CCDC81: variants seen among roughly 807,000 people sequenced by gnomAD.
CCDC81 encodes coiled-coil domain-containing protein 81.
In CCDC81, 79 loss-of-function variants were observed where a neutral mutation model predicts 83.7. The observed-to-expected ratio is 0.94, with a 90% CI of 0.79 to 1.14. CCDC81 has a LOEUF of 1.14. Ranked by LOEUF, CCDC81 falls within the 50% of genes most tolerant of loss-of-function variation. The pLI is 0.00. For missense variants in CCDC81, 791 were observed against 778.1 expected (o/e 1.02, Z -0.20); for synonymous variants, 252 against 278.1 (o/e 0.91, Z 0.93).
At chr11:86,390,194 A>C (rs1948306921) in intron 3 of CCDC81, among the ~76,000 whole-genome samples, 1 of 152,244 alleles carries the variant, frequency 6.6e-6, no homozygotes, top group African/African-American at 2.4e-5. Flanking sequence ...TGACGCCCGG[A>C]GGACAGCATG....
rs896952336 is a variant in CCDC81, at chr11:86,416,748, T to C, written c.1691+1435T>C. Among the ~76,000 whole-genome samples the C allele has an allele frequency of 8.5e-5, 13 of 152,204 alleles. 1 individual carries two copies. Among genetic ancestry groups the C allele is most frequent in the African/African-American group, 3.1e-4 (13 of 41,456 alleles). Reference sequence around the variant, plus strand: ...ATGGCAGATTCTCTCACTTCCCTTATCTTTTCCAACTCCCTGGTCCTTCTC... The same window carrying C: ...ATGGCAGATTCTCTCACTTCCCTTACCTTTTCCAACTCCCTGGTCCTTCTC... On this transcript the variant is annotated intron_variant, in intron 13 of 14. Coordinates refer to ENST00000445632, the MANE Select transcript of CCDC81 (RefSeq NM_001156474.2).
At position 86,413,638 on chromosome 11, in the gene CCDC81, T is replaced by C. The variant is rs368408149; in HGVS notation, c.1391+1079T>C. On this transcript the variant is annotated intron_variant, in intron 11 of 14. Transcript: ENST00000445632. ...AATTACTATAATATAGAGCATCATTTTGTATTGTTTTTGCAATCGCCAATA... is the reference window on the plus strand; with the variant it reads ...AATTACTATAATATAGAGCATCATTCTGTATTGTTTTTGCAATCGCCAATA... Among the ~76,000 whole-genome samples the C allele has an allele frequency of 2.0e-5, 3 of 152,358 alleles. 1 individual carries two copies. Among genetic ancestry groups the C allele is most frequent in the African/African-American group, 7.2e-5 (3 of 41,596 alleles).
chr11:86,406,503 A>T (rs1333598798), intron 7 of CCDC81, among the ~76,000 whole-genome samples: 4 of 152,052 alleles, frequency 2.6e-5, no homozygotes, highest in Non-Finnish European at 5.9e-5. Context: ...CTATTTCTCT[A>T]CTTTTAAATA....
chr11:86,400,156 A>T (rs971040101), intron 6 of CCDC81, among the ~76,000 whole-genome samples: 2 of 151,458 alleles, frequency 1.3e-5, no homozygotes, highest in Non-Finnish European at 2.9e-5. Context: ...AAAGAAAAAG[A>T]CTGCAACATT....
At chr11:86,382,258 T>G (rs1296269702) in intron 1 of CCDC81, among the ~76,000 whole-genome samples, 2 of 152,162 alleles carry the variant, frequency 1.3e-5, no homozygotes, top group Non-Finnish European at 2.9e-5. Flanking sequence ...GGGTCAAGAA[T>G]ACCTATAGCA....
intron 5 of CCDC81, 103 bp downstream of exon 5, chr11:86,395,516 T>C: frequency 2.4e-6 from 2 of 840,114 alleles, no homozygotes; most frequent in South Asian, 3.2e-5. Context: ...TCATGTTCCT[T>C]TTAATGTATT....
rs780001823 is a variant in CCDC81, at chr11:86,395,354, G to A, written c.576G>A (p.Ser192=). Residue 192 remains serine, a synonymous_variant, in exon 5 of 15, where the codon TCG becomes TCA. Transcript: ENST00000445632. ...ALANRPGTVD[S]VLSSREALRK... is the part of the protein sequence containing the mutation. ...TCTAGAGGCCTGGCACTGTGGACTC[G>A]GTGTTGTCTAGCAGAGAGGCCTTGA... 7.4e-6 allele frequency: 12 copies of A among 1,613,924 alleles called. No individual in the cohort carries two copies. The highest frequency in any genetic ancestry group is 5.5e-5 in the South Asian group (5 of 91,044).
chr11:86,415,483 C>T (rs1357197460), intron 13 of CCDC81, among the ~76,000 whole-genome samples, 170 bp downstream of exon 13: 1 of 152,148 alleles, frequency 6.6e-6, no homozygotes, highest in Non-Finnish European at 1.5e-5. Context: ...TTGTTTTAAA[C>T]TTATTACATG....
intron 13 of CCDC81, among the ~76,000 whole-genome samples, chr11:86,416,018 G>T (rs1948715204): frequency 6.6e-6 from 1 of 152,134 alleles, no homozygotes; most frequent in South Asian, 2.1e-4. Context: ...GTGCATAGTG[G>T]TGTCTCATGC....
At chr11:86,384,676 G>T (rs753405605) in intron 1 of CCDC81, among the ~76,000 whole-genome samples, 5 of 152,198 alleles carry the variant, frequency 3.3e-5, no homozygotes, top group Non-Finnish European at 5.9e-5. Flanking sequence ...GTGGAAAAAG[G>T]ATTGGGCTTT....
At chr11:86,394,113 A>G (rs934570045) in intron 4 of CCDC81, among the ~76,000 whole-genome samples, 27 of 152,350 alleles carry the variant, frequency 1.8e-4, no homozygotes, top group Non-Finnish European at 1.5e-4. Context: ...TTGCTTTTCC[A>G]TGAAAACACA....
intron 1 of CCDC81, among the ~76,000 whole-genome samples, chr11:86,380,490 T>C (rs7944482): frequency 0.34 from 51,917 of 152,062 alleles, 11,867 homozygotes; most frequent in African/African-American, 0.63. Flanking sequence ...TGTGGTTTCA[T>C]GTCTGACATT....
chr11:86,416,182 G>A (rs1948717271), intron 13 of CCDC81, among the ~76,000 whole-genome samples: 1 of 152,110 alleles, frequency 6.6e-6, no homozygotes, highest in Non-Finnish European at 1.5e-5. Context: ...AGTTTTGAAA[G>A]TTCTTTATAT....
chr11:86,385,146 G>T (rs1341425824), intron 1 of CCDC81, among the ~76,000 whole-genome samples: 1 of 152,234 alleles, frequency 6.6e-6, no homozygotes, highest in Non-Finnish European at 1.5e-5. Context: ...CCAGCACTTT[G>T]GGAGGCCGAG....
In CCDC81 at chr11:86,409,333, A is replaced by C. The variant is rs141409069; in HGVS notation, c.1186A>C (p.Arg396=). The change falls in exon 10 of 15, where the codon AGA becomes CGA. Residue 396 remains arginine (R), a synonymous_variant. Coordinates refer to ENST00000445632, the MANE Select transcript of CCDC81 (RefSeq NM_001156474.2). ...AYNLGVAEAI[R]NHKNEKPEFY... is the part of the protein sequence containing the mutation. ...TAATCTTGGAGTTGCTGAAGCTATA[A>C]GAAACCACAAGAATGAGAAACCGGA... The C allele has an allele frequency of 2.0e-6, 3 of 1,537,392 alleles. No individual in the cohort carries two copies. In the African/African-American group the frequency reaches 4.2e-5, roughly 22 times the overall value.
intron 7 of CCDC81, among the ~76,000 whole-genome samples, chr11:86,402,269 CAT>C (rs1254926233): frequency 1.2e-4 from 18 of 151,848 alleles, no homozygotes; most frequent in African/African-American, 2.2e-4. Flanking sequence ...AATCCCTCTA[CAT>C]AGAGGAAACT....
chr11:86,397,779 T>G, intron 6 of CCDC81, 37 bp downstream of exon 6: 2 of 1,599,790 alleles, frequency 1.3e-6, no homozygotes, highest in Non-Finnish European at 1.7e-6. Flanking sequence ...CTGTCACTCT[T>G]TACTGCTATG....
chr11:86,397,103 A>C (rs1948420260), intron 5 of CCDC81, among the ~76,000 whole-genome samples: 1 of 145,788 alleles, frequency 6.9e-6, no homozygotes, highest in Non-Finnish European at 1.5e-5. Flanking sequence ...TACACACACC[A>C]ACTGAACATC....
intron 3 of CCDC81, among the ~76,000 whole-genome samples, chr11:86,389,976 A>G (rs964551517): frequency 6.6e-6 from 1 of 152,050 alleles, no homozygotes; most frequent in Non-Finnish European, 1.5e-5. Flanking sequence ...GTGGTGGTGC[A>G]TGCCTGTAGT....
Sources: gnomAD v4.1 joint callset for allele counts (sites outside exome capture counted in the v4.1 genomes callset) on GRCh38, gnomAD v4.1.1 for gene constraint, MANE v1.5 for transcripts, NCBI Gene and HGNC (gene_info 2026-07-23, HGNC 2026-07-21) for gene names.